CDH6: variants seen among roughly 807,000 people sequenced by gnomAD.
CDH6 encodes the protein cadherin 6.
A neutral mutation model predicts 78.0 loss-of-function variants in CDH6; 31 were observed. That is an observed-to-expected ratio of 0.40 (90% confidence interval 0.30 to 0.54). The LOEUF (loss-of-function observed/expected upper bound fraction) is 0.54. Ranked by LOEUF, CDH6 falls within the 20% of genes least tolerant of loss-of-function variation. CDH6 has a pLI of 0.56. For synonymous variants in CDH6, 376 were observed against 368.8 expected, an observed-to-expected ratio of 1.02 and a Z score of -0.23; for missense variants, 724 against 975.9, an observed-to-expected ratio of 0.74 and a Z score of 3.44.
chr5:31,323,477 T>C lies in CDH6; in HGVS notation c.*169T>C. On this transcript the variant is annotated 3_prime_UTR_variant, in exon 12 of 12. Coordinates refer to ENST00000265071, the MANE Select transcript of CDH6 (RefSeq NM_004932.4). ...GAGACTTTTTTCTAGTACACTTTTATGAGCTTCCAAGGGGCAAATTTTTAT... is the reference window on the plus strand; with the variant it reads ...GAGACTTTTTTCTAGTACACTTTTACGAGCTTCCAAGGGGCAAATTTTTAT... 1 of 766,362 alleles carries C rather than the reference T, an allele frequency of 1.3e-6. No individual in the cohort carries two copies. The highest frequency in any genetic ancestry group is 2.0e-6 in the Non-Finnish European group (1 of 499,850). 47.5% of individuals were successfully genotyped at this position (766,362 alleles called of 1,614,324 possible). A position where few individuals can be genotyped will look rare whatever the true frequency, so the allele number is the denominator to read the frequency against.
chr5:31,317,223 C>A lies in CDH6; in HGVS notation c.1513-152C>A, dbSNP rs1579913740. 11 of 562,068 alleles carry A rather than the reference C, an allele frequency of 2.0e-5. No homozygotes were observed. In the South Asian group the frequency reaches 2.0e-4, roughly 10 times the overall value. The allele number at this position is 562,068 out of a possible 1,614,324, so 34.8% of individuals were successfully genotyped here. On this transcript the variant is annotated intron_variant, in intron 9 of 11. Coordinates refer to ENST00000265071, the MANE Select transcript of CDH6 (RefSeq NM_004932.4). Reference sequence around the variant, plus strand: ...TTCCCTGCCCTTTGGCTTTCTAACCCATAATAGAGCAGATTCACTGTATAT... The same window carrying A: ...TTCCCTGCCCTTTGGCTTTCTAACCAATAATAGAGCAGATTCACTGTATAT...
In CDH6 at chr5:31,266,289, A is replaced by G. The variant is rs1260221010; in HGVS notation, c.-128-1057A>G. On this transcript the variant is annotated intron_variant, in intron 1 of 11. Coordinates refer to ENST00000265071, the MANE Select transcript of CDH6 (RefSeq NM_004932.4). ...GTGTTTTTGAAAATTAATATTTCCC[A>G]TGGAAAAGTATCACTCAAAAGTATA... is the stretch of plus-strand genomic sequence containing the variant. Among the ~76,000 whole-genome samples the G allele has an allele frequency of 2.0e-5, 3 of 152,294 alleles. No individual in the cohort carries two copies. The East Asian group carries it at 5.8e-4, about 29-fold the overall frequency.
chr5:31,220,692 G>A (rs1740981427), intron 1 of CDH6, among the ~76,000 whole-genome samples: 1 of 152,162 alleles, frequency 6.6e-6, no homozygotes, highest in Admixed American at 6.5e-5. Context: ...AATAATGGTA[G>A]CAAATCACTG....
intron 1 of CDH6, among the ~76,000 whole-genome samples, chr5:31,218,605 G>C (rs1740928889): frequency 1.3e-5 from 2 of 152,124 alleles, no homozygotes; most frequent in African/African-American, 4.8e-5. Context: ...CAGCCCATCA[G>C]AGCACAGTCA....
At chr5:31,254,316 G>C (rs1230214592) in intron 1 of CDH6, among the ~76,000 whole-genome samples, 2 of 152,144 alleles carry the variant, frequency 1.3e-5, no homozygotes, top group African/African-American at 2.4e-5. Flanking sequence ...TAAGTGAAAA[G>C]GTGAATGTTC....
In CDH6 at chr5:31,299,649, A is replaced by C. The variant is rs1484476974; in HGVS notation, c.811+18A>C. ...CCCCCAGAGTAGGAACATTTGATTG[A>C]ATGAATTTCTTCAATGTGCTTTTAT... On this transcript the variant is annotated intron_variant, in intron 5 of 11. Coordinates refer to ENST00000265071, the MANE Select transcript of CDH6 (RefSeq NM_004932.4). 1 of 1,589,122 alleles carries C rather than the reference A, an allele frequency of 6.3e-7. No homozygotes were observed. The highest frequency in any genetic ancestry group is 8.6e-7 in the Non-Finnish European group (1 of 1,160,144).
At chr5:31,234,329 G>C (rs1022731134) in intron 1 of CDH6, among the ~76,000 whole-genome samples, 17 of 152,262 alleles carry the variant, frequency 1.1e-4, no homozygotes, top group Admixed American at 9.8e-4. Context: ...AATCTTAAAA[G>C]ACTTTTTCTG....
chr5:31,297,559 C>A, intron 4 of CDH6, 151 bp downstream of exon 4: 2 of 592,852 alleles, frequency 3.4e-6, no homozygotes, highest in Non-Finnish European at 2.8e-6. Flanking sequence ...AACATGACAT[C>A]TGAATAATTT....
At chr5:31,271,414 T>C (rs922959941) in intron 2 of CDH6, among the ~76,000 whole-genome samples, 4 of 152,182 alleles carry the variant, frequency 2.6e-5, no homozygotes, top group African/African-American at 7.2e-5. Context: ...TCCTCTGTCT[T>C]AACCTTCCTC....
chr5:31,291,042 G>A (rs570699149), intron 2 of CDH6, among the ~76,000 whole-genome samples: 1 of 152,054 alleles, frequency 6.6e-6, no homozygotes, highest in Non-Finnish European at 1.5e-5. Context: ...ACTTTTACCT[G>A]AATAAATCTT....
At position 31,317,910 on chromosome 5, in the gene CDH6, T is replaced by C. The variant is rs761168839; in HGVS notation, c.1868T>C (p.Ile623Thr). The C allele has an allele frequency of 6.2e-7, 1 of 1,613,402 alleles. No homozygotes were observed. Among genetic ancestry groups the C allele is most frequent in the Non-Finnish European group, 8.5e-7 (1 of 1,180,026 alleles). Reference protein sequence around the residue: ...TGALVAILLCIVILLVTVVLF... With the variant: ...TGALVAILLCTVILLVTVVLF... ...GCTCTGGTTGCCATCCTTCTGTGCA[T>C]CGTGATCCTACTAGGTAAACTGGTT... Residue 623 changes from isoleucine to threonine, a missense_variant, in exon 11 of 12, where the codon ATC (isoleucine) becomes ACC (threonine). By Grantham distance (89) the Ile-to-Thr change is moderately conservative (BLOSUM62 -1). Transcript: ENST00000265071.
chr5:31,287,472 TTACA>T (rs1389902728), intron 2 of CDH6, among the ~76,000 whole-genome samples: 10 of 152,200 alleles, frequency 6.6e-5, no homozygotes, highest in Admixed American at 5.2e-4. Context: ...ACTAAGCATC[TTACA>T]TACATTATTT....
intron 1 of CDH6, among the ~76,000 whole-genome samples, chr5:31,209,322 T>A (rs1402403024): frequency 6.6e-6 from 1 of 152,122 alleles, no homozygotes; most frequent in Non-Finnish European, 1.5e-5. Context: ...ATTCCCAGCA[T>A]TGTGTTTGAG....
At chr5:31,277,074 G>A (rs1742719868) in intron 2 of CDH6, among the ~76,000 whole-genome samples, 1 of 152,228 alleles carries the variant, frequency 6.6e-6, no homozygotes, top group Admixed American at 6.5e-5. Context: ...TGCCAAAGCA[G>A]TGAAGGCAGC....
intron 2 of CDH6, among the ~76,000 whole-genome samples, chr5:31,290,917 C>A (rs1271189311): frequency 6.6e-6 from 1 of 152,244 alleles, no homozygotes; most frequent in African/African-American, 2.4e-5. Context: ...AACCCTTGCT[C>A]ACACTCTTCT....
intron 1 of CDH6, among the ~76,000 whole-genome samples, chr5:31,234,056 T>A (rs543695921): frequency 2.0e-5 from 3 of 152,236 alleles, no homozygotes; most frequent in Admixed American, 6.5e-5. Context: ...AATACATTTT[T>A]TTCATAATGT....
intron 1 of CDH6, among the ~76,000 whole-genome samples, chr5:31,211,258 A>G (rs762945947): frequency 3.4e-4 from 52 of 152,306 alleles, no homozygotes; most frequent in Non-Finnish European, 6.5e-4. Flanking sequence ...AAAGGACATC[A>G]GGCTATGTGA....
intron 1 of CDH6, among the ~76,000 whole-genome samples, chr5:31,205,566 G>A (rs1342074780): frequency 6.6e-6 from 1 of 152,178 alleles, no homozygotes; most frequent in Non-Finnish European, 1.5e-5. Flanking sequence ...GAAACAGAAT[G>A]TACCCCTGAG....
chr5:31,284,615 A>C (rs1742965260), intron 2 of CDH6, among the ~76,000 whole-genome samples: 1 of 152,330 alleles, frequency 6.6e-6, no homozygotes, highest in Non-Finnish European at 1.5e-5. Flanking sequence ...TCCTGTAGCT[A>C]GGACTACATG....
Sources: allele counts gnomAD v4.1 joint callset (sites outside exome capture counted in the v4.1 genomes callset), GRCh38; gene constraint gnomAD v4.1.1; transcripts MANE v1.5; gene names NCBI Gene and HGNC (gene_info 2026-07-23, HGNC 2026-07-21).